The following SCAPER variants were observed in gnomAD, a reference collection of about 807,000 sequenced individuals.
The protein encoded by SCAPER is S-phase cyclin A associated protein in the ER, also known as S phase cyclin A-associated protein in the endoplasmic reticulum.
In SCAPER, 98 loss-of-function variants were observed where a neutral mutation model predicts 182.2. The observed-to-expected ratio is 0.54, with a 90% CI of 0.46 to 0.64. The LOEUF is 0.64. Among genes scored for constraint, SCAPER ranks in the 30% least tolerant of loss-of-function variants. The pLI, the probability that SCAPER is intolerant of heterozygous loss-of-function variation, is 0.00. For synonymous variants in SCAPER, 605 were observed against 564.6 expected, an observed-to-expected ratio of 1.07 and a Z score of -1.01; for missense variants, 1,432 against 1,690.0, an observed-to-expected ratio of 0.85 and a Z score of 2.68.
intron 14 of SCAPER, among the ~76,000 whole-genome samples, chr15:76,762,402 C>A (rs1312289158): frequency 4.1e-4 from 40 of 96,636 alleles, no homozygotes; most frequent in African/African-American, 1.3e-3. Context: ...GGTTTGATTT[C>A]TCTTTAGCAT....
At chr15:76,495,600 AAG>A (rs1172793844) in intron 24 of SCAPER, among the ~76,000 whole-genome samples, 16 of 150,008 alleles carry the variant, frequency 1.1e-4, no homozygotes, top group South Asian at 2.1e-4. Context: ...AAAAAAAAAA[AAG>A]AGAGAGAGAG....
intron 23 of SCAPER, among the ~76,000 whole-genome samples, chr15:76,567,106 C>CT (rs1442541960): frequency 6.6e-6 from 1 of 151,816 alleles, no homozygotes; most frequent in Non-Finnish European, 1.5e-5. Context: ...AATATAAGTC[C>CT]TTTTGTCTTT....
intron 24 of SCAPER, among the ~76,000 whole-genome samples, chr15:76,493,328 C>T: frequency 6.6e-6 from 1 of 151,936 alleles, no homozygotes; most frequent in East Asian, 1.9e-4. Flanking sequence ...ATAAGGAGTA[C>T]ATAATCTTCA....
chr15:76,683,489 G>T (rs1055627018), intron 20 of SCAPER, among the ~76,000 whole-genome samples: 6 of 151,506 alleles, frequency 4.0e-5, no homozygotes, highest in African/African-American at 9.7e-5. Flanking sequence ...ATATCTGAGG[G>T]TTATCATCCA....
intron 8 of SCAPER, among the ~76,000 whole-genome samples, chr15:76,781,831 C>A (rs1004500394): frequency 6.6e-6 from 1 of 152,098 alleles, no homozygotes; most frequent in Non-Finnish European, 1.5e-5. Context: ...CACAGACAAG[C>A]AAATGCTGAG....
At chr15:76,663,321 C>A (rs2056338077) in intron 21 of SCAPER, among the ~76,000 whole-genome samples, 1 of 152,146 alleles carries the variant, frequency 6.6e-6, no homozygotes, top group African/African-American at 2.4e-5. Flanking sequence ...GGAATTCTCA[C>A]GGATTGCTAA....
chr15:76,599,812 G>C (rs1307864977), intron 22 of SCAPER, among the ~76,000 whole-genome samples: 1 of 121,394 alleles, frequency 8.2e-6, no homozygotes, highest in African/African-American at 2.5e-5. Flanking sequence ...TGATGATACT[G>C]TGCAAATTTT....
chr15:76,640,872 G>C (rs903453311), intron 21 of SCAPER, among the ~76,000 whole-genome samples: 2 of 152,216 alleles, frequency 1.3e-5, no homozygotes, highest in Non-Finnish European at 2.9e-5. Context: ...CCCCTGCAGA[G>C]AGCCTATGAA....
intron 18 of SCAPER, among the ~76,000 whole-genome samples, chr15:76,705,577 C>T (rs111481240): frequency 1.3e-5 from 2 of 149,924 alleles, no homozygotes; most frequent in African/African-American, 4.9e-5. Context: ...AAGAAGATGG[C>T]TTTTAGGATG....
chr15:76,550,607 G>A (rs1264226736), intron 23 of SCAPER, among the ~76,000 whole-genome samples: 1 of 152,088 alleles, frequency 6.6e-6, no homozygotes, highest in Admixed American at 6.5e-5. Context: ...ATGGGCATTT[G>A]GGTTGATTCC....
chr15:76,622,861 G>A (rs1003646581), intron 21 of SCAPER, among the ~76,000 whole-genome samples: 6 of 152,116 alleles, frequency 3.9e-5, no homozygotes, highest in South Asian at 2.1e-4. Context: ...GTGGAAATGC[G>A]ATCCCCAATG....
chr15:76,510,500 A>C (rs149779243), intron 23 of SCAPER, among the ~76,000 whole-genome samples: 2,368 of 152,352 alleles, frequency 0.016, 62 homozygotes, highest in African/African-American at 0.055. Flanking sequence ...AAAAATGTTC[A>C]ACATCACTAA....
intron 26 of SCAPER, 46 bp downstream of exon 26, chr15:76,434,031 TA>T: frequency 4.7e-6 from 7 of 1,473,848 alleles, no homozygotes; most frequent in Non-Finnish European, 5.6e-6. Flanking sequence ...TATTTTAATA[TA>T]GTTTCTTAAC....
chr15:76,847,806 A>G (rs2070271436), intron 4 of SCAPER, among the ~76,000 whole-genome samples: 1 of 152,082 alleles, frequency 6.6e-6, no homozygotes, highest in Non-Finnish European at 1.5e-5. Context: ...CTGTAGTCCC[A>G]GCCACTCAGG....
intron 21 of SCAPER, among the ~76,000 whole-genome samples, chr15:76,655,606 T>A (rs2055565583): frequency 6.6e-6 from 1 of 152,066 alleles, no homozygotes; most frequent in African/African-American, 2.4e-5. Flanking sequence ...CTCTCCACAA[T>A]CAAAGTGAAA....
chr15:76,817,600 G>T (rs1306713166), intron 5 of SCAPER, among the ~76,000 whole-genome samples: 1 of 152,112 alleles, frequency 6.6e-6, no homozygotes, highest in African/African-American at 2.4e-5. Context: ...AGGTAACTAT[G>T]TGAGGTGATA....
At chr15:76,809,789 A>G (rs934206913) in intron 5 of SCAPER, among the ~76,000 whole-genome samples, 29 of 152,228 alleles carry the variant, frequency 1.9e-4, no homozygotes, top group African/African-American at 7.0e-4. Context: ...AGAGATATCT[A>G]CACTGAGACA....
At position 76,583,273 on chromosome 15, in the gene SCAPER, C is replaced by T. The variant is rs568415935; in HGVS notation, c.2712-8989G>A. On this transcript the variant is annotated intron_variant, in intron 22 of 31. Transcript: ENST00000563290. The stretch of plus-strand genomic sequence containing the variant: ...GGCTGAGGCAGGAGAATTGCTTGAA[C>T]CCGGAAGGCAGAGGTTGTGGTGAGT... Among the ~76,000 whole-genome samples the T allele has an allele frequency of 2.1e-4, 32 of 151,708 alleles. 1 individual carries two copies. The highest frequency in any genetic ancestry group is 7.5e-4 in the African/African-American group (31 of 41,330).
chr15:76,796,806 T>C (rs969972860), intron 7 of SCAPER, among the ~76,000 whole-genome samples: 1 of 152,224 alleles, frequency 6.6e-6, no homozygotes, highest in Non-Finnish European at 1.5e-5. Context: ...CATTTGCATA[T>C]ATATCTTTTC....
Sources: gnomAD v4.1 joint callset for allele counts (sites outside exome capture counted in the v4.1 genomes callset) on GRCh38, gnomAD v4.1.1 for gene constraint, MANE v1.5 for transcripts, NCBI Gene and HGNC (gene_info 2026-07-23, HGNC 2026-07-21) for gene names.